The following MAMDC2 variants were observed in gnomAD, a reference collection of about 807,000 sequenced individuals.
The protein encoded by MAMDC2 is MAM domain containing 2, also known as MAM domain-containing protein 2.
Under a neutral mutation model 89.8 loss-of-function variants are expected in MAMDC2, and 57 were observed. The observed-to-expected ratio is 0.63, with a 90% CI of 0.51 to 0.79. The LOEUF is 0.79. MAMDC2 is among the 30% of genes least tolerant of loss of function. The pLI, the probability that MAMDC2 is intolerant of heterozygous loss-of-function variation, is 0.00. For missense variants in MAMDC2, 800 were observed against 820.6 expected (o/e 0.97, Z 0.31); for synonymous variants, 313 against 293.4 (o/e 1.07, Z -0.68).
chr9:70,089,555 T>C (rs1827842365), intron 2 of MAMDC2, among the ~76,000 whole-genome samples: 1 of 151,972 alleles, frequency 6.6e-6, no homozygotes, highest in Non-Finnish European at 1.5e-5. Flanking sequence ...CCTCAGAATG[T>C]ATACAAGATA....
intron 5 of MAMDC2, among the ~76,000 whole-genome samples, chr9:70,121,863 C>T (rs548243391): frequency 2.6e-5 from 4 of 152,266 alleles, no homozygotes; most frequent in South Asian, 2.1e-4. Flanking sequence ...AGGCTACCAT[C>T]ATTGTTTTTA....
chr9:70,173,456 T>G (rs1927133), intron 11 of MAMDC2, among the ~76,000 whole-genome samples: 130,004 of 151,818 alleles, frequency 0.86, 55,903 homozygotes, highest in East Asian at 0.96. Flanking sequence ...CAATTAATTA[T>G]TGAGACCCTA....
chr9:70,168,816 GCT>G (rs112914906), intron 10 of MAMDC2, 21 bp downstream of exon 10: 129,242 of 1,569,296 alleles, frequency 0.082, 7,182 homozygotes, highest in East Asian at 0.26. Context: ...AATCATTTTA[GCT>G]CTCTGTCTCT....
intron 2 of MAMDC2, among the ~76,000 whole-genome samples, chr9:70,097,234 C>G (rs1363452392): frequency 6.6e-6 from 1 of 152,196 alleles, no homozygotes; most frequent in East Asian, 1.9e-4. Context: ...TTAAGGTTCT[C>G]TGGAGGTTCT....
At chr9:70,217,632 G>T in intron 11 of MAMDC2, 1 of 1,610,706 alleles carries the variant, frequency 6.2e-7, no homozygotes. Context: ...TGAAGCCTGT[G>T]AAAGTTTCAG....
chr9:70,143,674 G>C lies in MAMDC2; in HGVS notation c.1259G>C (p.Gly420Ala). The stretch of plus-strand genomic sequence containing the variant: ...CTGCGTTTTCATTATGCCATCTATG[G>C]ATTTTTAAAAATGAGTGACACCCTA... ...YCLRFHYAIY[G>A]FLKMSDTLAV... The change falls in exon 9 of 14, where the codon GGA (glycine) becomes GCA (alanine). Residue 420 changes from glycine (G) to alanine (A), a missense_variant. Physicochemically the swap from Gly to Ala is moderately conservative, Grantham distance 60. Transcript: ENST00000377182. 2 of 1,614,150 alleles carry C rather than the reference G, an allele frequency of 1.2e-6. No individual in the cohort carries two copies. The highest frequency in any genetic ancestry group is 2.2e-5 in the South Asian group (2 of 91,082).
At chr9:70,224,283 A>G (rs947465399) in intron 12 of MAMDC2, among the ~76,000 whole-genome samples, 1 of 152,144 alleles carries the variant, frequency 6.6e-6, no homozygotes, top group Non-Finnish European at 1.5e-5. Flanking sequence ...GTATTATAGA[A>G]ATTGGCTCAT....
intron 2 of MAMDC2, among the ~76,000 whole-genome samples, chr9:70,075,307 T>A (rs1403450665): frequency 6.6e-6 from 1 of 152,206 alleles, no homozygotes; most frequent in African/African-American, 2.4e-5. Context: ...CAGCTGTGAT[T>A]CGGCAGGGAT....
At chr9:70,112,680 G>T (rs1433082562) in intron 4 of MAMDC2, among the ~76,000 whole-genome samples, 2 of 152,130 alleles carry the variant, frequency 1.3e-5, no homozygotes, top group Admixed American at 6.5e-5. Flanking sequence ...CAATAGCTCT[G>T]TGAAGTGGGA....
intron 5 of MAMDC2, among the ~76,000 whole-genome samples, chr9:70,120,951 C>T (rs1234761085): frequency 2.0e-5 from 3 of 152,168 alleles, no homozygotes; most frequent in Non-Finnish European, 4.4e-5. Flanking sequence ...TGGGTATTTC[C>T]CTCTGGCATA....
At chr9:70,170,660 T>C in intron 11 of MAMDC2, 29 bp downstream of exon 11, 1 of 1,536,920 alleles carries the variant, frequency 6.5e-7, no homozygotes, top group Admixed American at 2.2e-5. Flanking sequence ...TGCTGTTTCC[T>C]AAGGAAAGCT....
intron 2 of MAMDC2, chr9:70,086,654 A>T (rs1827776612): frequency 6.6e-6 from 1 of 152,120 alleles, no homozygotes; most frequent in African/African-American, 2.4e-5. Flanking sequence ...GTTATTAACA[A>T]TTTTTTATGT....
At chr9:70,211,591 G>C (rs2033354937) in intron 11 of MAMDC2, among the ~76,000 whole-genome samples, 1 of 152,052 alleles carries the variant, frequency 6.6e-6, no homozygotes. Context: ...TTAGCTATTA[G>C]TTATTACCGA....
Position 70,221,380 on chromosome 9 carries a change from T to TATATAGAG in MAMDC2, c.1911+2785_1911+2786insTATAGAGA. ...AAATATATATATATATATATATATA[T>TATATAGAG]AGAGAGAGAGAGAGAGAGAGAGAGA... On this transcript the variant is annotated intron_variant, in intron 12 of 13. Coordinates refer to ENST00000377182, the MANE Select transcript of MAMDC2 (RefSeq NM_153267.5). Among the ~76,000 whole-genome samples the TATATAGAG allele has an allele frequency of 2.7e-3, 19 of 7,044 alleles. 2 individuals carry two copies. The highest frequency in any genetic ancestry group is 3.1e-3 in the Non-Finnish European group (12 of 3,840). The allele number at this position is 7,044 out of a possible 152,430, so 4.6% of individuals were successfully genotyped here.
chr9:70,185,564 T>C (rs1466268257), intron 11 of MAMDC2, among the ~76,000 whole-genome samples: 8 of 152,194 alleles, frequency 5.3e-5, no homozygotes, highest in Admixed American at 5.2e-4. Context: ...CTGCTGCCTT[T>C]CTTTCAGAGA....
intron 11 of MAMDC2, chr9:70,172,008 A>G (rs1365982406): frequency 6.6e-6 from 1 of 152,156 alleles, no homozygotes; most frequent in East Asian, 1.9e-4. Context: ...CTCCAGTAAA[A>G]CCTGTTTAAT....
intron 2 of MAMDC2, among the ~76,000 whole-genome samples, chr9:70,059,791 G>A (rs1411497038): frequency 2.0e-5 from 3 of 152,160 alleles, no homozygotes; most frequent in African/African-American, 7.2e-5. Context: ...GAGATCAAAG[G>A]CTATGTTCTT....
intron 11 of MAMDC2, among the ~76,000 whole-genome samples, chr9:70,185,549 A>G (rs56345723): frequency 0.13 from 19,030 of 152,130 alleles, 1,385 homozygotes; most frequent in South Asian, 0.24. Flanking sequence ...AATTTTATCT[A>G]TAAGCTGCTG....
intron 11 of MAMDC2, chr9:70,217,334 G>A: frequency 7.2e-7 from 1 of 1,396,268 alleles, no homozygotes; most frequent in Non-Finnish European, 1.0e-6. Flanking sequence ...AGGAATCCTT[G>A]GCAGATAAAC....
Sources: allele counts gnomAD v4.1 joint callset (sites outside exome capture counted in the v4.1 genomes callset), GRCh38; gene constraint gnomAD v4.1.1; transcripts MANE v1.5; gene names NCBI Gene and HGNC (gene_info 2026-07-23, HGNC 2026-07-21).